Variants in LIN52 observed in about 807,000 individuals in gnomAD.
The protein encoded by LIN52 is protein lin-52 homolog.
Under a neutral mutation model 18.5 loss-of-function variants are expected in LIN52, and 4 were observed. The observed-to-expected ratio is 0.22, with a 90% CI of 0.11 to 0.49. The LOEUF (loss-of-function observed/expected upper bound fraction) is 0.49, where lower values mean the gene tolerates loss of function less well. Among genes scored for constraint, LIN52 ranks in the 20% least tolerant of loss-of-function variants. The probability of loss-of-function intolerance (pLI) is 0.97; values close to 1 mark genes in which losing one functional copy is unlikely to be tolerated. For missense variants in LIN52, 102 were observed against 139.5 expected (o/e 0.73, Z 1.35); for synonymous variants, 34 against 45.5 (o/e 0.75, Z 1.02).
At chr14:74,120,440 G>A (rs10143881) in intron 5 of LIN52, among the ~76,000 whole-genome samples, 1 of 151,760 alleles carries the variant, frequency 6.6e-6, no homozygotes, top group African/African-American at 2.4e-5. Flanking sequence ...CCAATATGGT[G>A]AAACACTGTC....
intron 5 of LIN52, among the ~76,000 whole-genome samples, chr14:74,104,180 A>T: frequency 6.6e-6 from 1 of 152,140 alleles, no homozygotes; most frequent in East Asian, 1.9e-4. Flanking sequence ...TACAGGAGTG[A>T]GCCACTGCGC....
At chr14:74,137,076 C>G (rs951196239) in intron 5 of LIN52, among the ~76,000 whole-genome samples, 3 of 151,666 alleles carry the variant, frequency 2.0e-5, no homozygotes, top group Non-Finnish European at 2.9e-5. Flanking sequence ...ATTAAGTCTT[C>G]TTTTCCTCCA....
chr14:74,154,647 T>C (rs1290981795), intron 5 of LIN52, among the ~76,000 whole-genome samples: 1 of 152,202 alleles, frequency 6.6e-6, no homozygotes, highest in Non-Finnish European at 1.5e-5. Flanking sequence ...CTTTATTTAA[T>C]CTGTATTGGC....
Position 74,199,104 on chromosome 14 carries a change from C to G in LIN52, c.*127C>G. The G allele has an allele frequency of 3.0e-6, 2 of 662,044 alleles. No homozygotes were observed. The highest frequency in any genetic ancestry group is 3.6e-5 in the South Asian group (2 of 56,144). The allele number at this position is 662,044 out of a possible 1,614,324, so 41.0% of individuals were successfully genotyped here. A position where few individuals can be genotyped will look rare whatever the true frequency, so the allele number is the denominator to read the frequency against. On this transcript the variant is annotated 3_prime_UTR_variant, in exon 6 of 6. Transcript: ENST00000555028. ...GGGTGTACCTCCAGGACTGCCCTCT[C>G]CCCTGCTCCTGGCACTCTACACGTC... is the stretch of plus-strand genomic sequence containing the variant.
intron 5 of LIN52, among the ~76,000 whole-genome samples, chr14:74,103,020 T>C (rs1052117623): frequency 6.6e-6 from 1 of 152,188 alleles, no homozygotes; most frequent in African/African-American, 2.4e-5. Flanking sequence ...TATTACCCCA[T>C]TGCCGAGTAA....
chr14:74,167,481 G>A (rs1393296499), intron 5 of LIN52, among the ~76,000 whole-genome samples: 2 of 152,074 alleles, frequency 1.3e-5, no homozygotes, highest in African/African-American at 4.8e-5. Context: ...GGCCAGGCTG[G>A]TCTCAAACTC....
chr14:74,154,120 G>GTT, intron 5 of LIN52, among the ~76,000 whole-genome samples: 1 of 144,764 alleles, frequency 6.9e-6, no homozygotes, highest in East Asian at 2.0e-4. Flanking sequence ...TTTCCTTAAT[G>GTT]TTTTTTTTTT....
At chr14:74,087,913 T>A (rs940401678) in intron 1 of LIN52, among the ~76,000 whole-genome samples, 2 of 151,724 alleles carry the variant, frequency 1.3e-5, no homozygotes, top group Admixed American at 6.6e-5. Context: ...CCCCAATAAT[T>A]TTTTTTTAAC....
Position 74,094,733 on chromosome 14 carries a change from CT to C in LIN52, c.95-1203del, listed in dbSNP as rs61367762. ...ACATTTCCTTTTTGGTGAGATTGAA[CT>C]TTTTTTTTTTTGAGATGGAGTCTCG... On this transcript the variant is annotated intron_variant, in intron 2 of 5. Coordinates refer to ENST00000555028, the MANE Select transcript of LIN52 (RefSeq NM_001024674.3). 7.6e-3 allele frequency among the ~76,000 whole-genome samples: 1,124 copies of C among 146,936 alleles called. 13 individuals carry two copies. Among genetic ancestry groups the C allele is most frequent in the African/African-American group, 0.025 (995 of 40,290 alleles).
At chr14:74,145,380 G>A (rs975471648) in intron 5 of LIN52, among the ~76,000 whole-genome samples, 4 of 152,096 alleles carry the variant, frequency 2.6e-5, no homozygotes, top group African/African-American at 9.7e-5. Context: ...ATTCTTCATT[G>A]CCTGTGAAAA....
intron 5 of LIN52, among the ~76,000 whole-genome samples, chr14:74,161,839 G>C (rs1425822514): frequency 6.6e-6 from 1 of 152,248 alleles, no homozygotes; most frequent in Admixed American, 6.5e-5. Context: ...TCGCTGCACA[G>C]AAGAGCCACA....
At chr14:74,120,238 C>T (rs1468700655) in intron 5 of LIN52, among the ~76,000 whole-genome samples, 1 of 152,194 alleles carries the variant, frequency 6.6e-6, no homozygotes, top group Admixed American at 6.5e-5. Flanking sequence ...CACTTTGTAG[C>T]TTCCCTTTTA....
intron 2 of LIN52, among the ~76,000 whole-genome samples, chr14:74,093,787 G>T (rs915150992): frequency 1.3e-5 from 2 of 152,146 alleles, no homozygotes; most frequent in Non-Finnish European, 2.9e-5. Flanking sequence ...CTAACATGGC[G>T]AAACCCCGTT....
At chr14:74,197,886 C>T (rs979942109) in intron 5 of LIN52, among the ~76,000 whole-genome samples, 3 of 152,192 alleles carry the variant, frequency 2.0e-5, no homozygotes, top group African/African-American at 7.2e-5. Context: ...TTGGGAAAGG[C>T]AACAAGGAGG....
intron 5 of LIN52, among the ~76,000 whole-genome samples, chr14:74,112,165 C>T (rs1478556549): frequency 1.3e-5 from 2 of 152,226 alleles, no homozygotes; most frequent in Non-Finnish European, 2.9e-5. Flanking sequence ...CAGGCATGAG[C>T]CACAGCACCT....
At chr14:74,148,402 A>G (rs1282809572) in intron 5 of LIN52, among the ~76,000 whole-genome samples, 3 of 152,212 alleles carry the variant, frequency 2.0e-5, no homozygotes, top group African/African-American at 7.2e-5. Flanking sequence ...GGCACTTACA[A>G]TCTGACTAGA....
At chr14:74,160,918 A>G (rs2061221537) in intron 5 of LIN52, among the ~76,000 whole-genome samples, 1 of 152,272 alleles carries the variant, frequency 6.6e-6, no homozygotes, top group Admixed American at 6.5e-5. Flanking sequence ...TAATCAGGTT[A>G]TTTCATCTTT....
In LIN52 at chr14:74,199,553, A is replaced by T. The variant is rs534909466; in HGVS notation, c.*576A>T. 6.6e-5 allele frequency: 10 copies of T among 152,334 alleles called. No individual in the cohort carries two copies. Among genetic ancestry groups the T allele is most frequent in the African/African-American group, 2.4e-4 (10 of 41,552 alleles). 9.4% of individuals were successfully genotyped at this position (152,334 alleles called of 1,614,324 possible). On this transcript the variant is annotated 3_prime_UTR_variant, in exon 6 of 6. Transcript: ENST00000555028. ...TGTATATCTGTTTTTTAAAACTTCTATACCTCTTATGATAGTCCCATTTGC... is the reference window on the plus strand; with the variant it reads ...TGTATATCTGTTTTTTAAAACTTCTTTACCTCTTATGATAGTCCCATTTGC...
intron 5 of LIN52, among the ~76,000 whole-genome samples, chr14:74,198,671 G>T (rs2078929174): frequency 6.6e-6 from 1 of 152,170 alleles, no homozygotes; most frequent in African/African-American, 2.4e-5. Context: ...TTTAAAGGTG[G>T]ATGATAAAAT....
Sources: gnomAD v4.1 joint callset for allele counts (sites outside exome capture counted in the v4.1 genomes callset) on GRCh38, gnomAD v4.1.1 for gene constraint, MANE v1.5 for transcripts, NCBI Gene and HGNC (gene_info 2026-07-23, HGNC 2026-07-21) for gene names.